The following STEAP4 variants were observed in gnomAD, a reference collection of about 807,000 sequenced individuals.
STEAP4 encodes STEAP4 metalloreductase.
A neutral mutation model predicts 43.6 loss-of-function variants in STEAP4; 36 were observed. The observed-to-expected ratio is 0.83, with a 90% CI of 0.63 to 1.09. The LOEUF is 1.09. Among genes scored for constraint, STEAP4 ranks in the 50% least tolerant of loss-of-function variants. The pLI, the probability that STEAP4 is intolerant of heterozygous loss-of-function variation, is 0.00. For missense variants in STEAP4, 495 were observed against 546.5 expected, an observed-to-expected ratio of 0.91 and a Z score of 0.94; for synonymous variants, 191 against 196.7, an observed-to-expected ratio of 0.97 and a Z score of 0.24.
At chr7:88,280,131 C>T (rs920460794) in intron 4 of STEAP4, among the ~76,000 whole-genome samples, 2 of 152,188 alleles carry the variant, frequency 1.3e-5, no homozygotes, top group Admixed American at 6.5e-5. Context: ...GCCTTAATAC[C>T]TTGAACAAAA....
intron 1 of STEAP4, among the ~76,000 whole-genome samples, chr7:88,286,289 A>G (rs1852733029): frequency 6.6e-6 from 1 of 152,234 alleles, no homozygotes; most frequent in Non-Finnish European, 1.5e-5. Context: ...GAAATCTTAT[A>G]CAATTTTATA....
At chr7:88,299,740 A>G (rs1852997754) in intron 1 of STEAP4, among the ~76,000 whole-genome samples, 1 of 152,262 alleles carries the variant, frequency 6.6e-6, no homozygotes, top group East Asian at 1.9e-4. Flanking sequence ...ATGGGCATTT[A>G]TCTTTAGATT....
Position 88,283,175 on chromosome 7 carries a change from T to C in STEAP4, c.457-7A>G. The C allele has an allele frequency of 6.6e-7, 1 of 1,523,762 alleles. No individual in the cohort carries two copies. Among genetic ancestry groups the C allele is most frequent in the Non-Finnish European group, 8.8e-7 (1 of 1,139,764 alleles). 94.4% of individuals were successfully genotyped at this position (1,523,762 alleles called of 1,614,324 possible). A position where few individuals can be genotyped will look rare whatever the true frequency, so the allele number is the denominator to read the frequency against. On this transcript the variant is annotated splice_polypyrimidine_tract_variant and splice_region_variant and intron_variant, in intron 2 of 4. Transcript: ENST00000380079. ...CATTTCCACACACAAACACCTAGTT[T>C]AAAAACAGTTAATTAATTCTGTATT...
chr7:88,283,988 C>T lies in STEAP4; in HGVS notation c.282G>A (p.Glu94=). 1.2e-6 allele frequency: 2 copies of T among 1,614,054 alleles called. No individual in the cohort carries two copies. The highest frequency in any genetic ancestry group is 1.7e-5 in the Admixed American group (1 of 59,976). Residue 94 remains glutamate, a synonymous_variant, in exon 2 of 5, where the codon GAG becomes GAA. Transcript: ENST00000380079. ...EHYDFLTELT[E]VLNGKILVDI... Reference sequence around the variant, plus strand: ...CTACCAATATTTTTCCATTGAGAACCTCAGTTAATTCTGTGAGAAAATCAT... The same window carrying T: ...CTACCAATATTTTTCCATTGAGAACTTCAGTTAATTCTGTGAGAAAATCAT...
At chr7:88,295,059 CATT>C (rs1053511831) in intron 1 of STEAP4, among the ~76,000 whole-genome samples, 20 of 152,218 alleles carry the variant, frequency 1.3e-4, no homozygotes, top group African/African-American at 4.8e-4. Flanking sequence ...TGGAGGTAAT[CATT>C]ATAAAAACAA....
chr7:88,306,556 G>A (rs150440549), intron 1 of STEAP4, among the ~76,000 whole-genome samples: 1 of 152,332 alleles, frequency 6.6e-6, no homozygotes, highest in African/African-American at 2.4e-5. Flanking sequence ...TCCCCCTTTG[G>A]GCTTGTCTGC....
rs1852460160 is a variant in STEAP4, at chr7:88,273,052, A to G, written c.*6346T>C. 1 of 152,248 alleles carries G rather than the reference A, an allele frequency of 6.6e-6. No individual in the cohort carries two copies. Among genetic ancestry groups the G allele is most frequent in the African/African-American group, 2.4e-5 (1 of 41,464 alleles). 9.4% of individuals were successfully genotyped at this position (152,248 alleles called of 1,614,324 possible). A position where few individuals can be genotyped will look rare whatever the true frequency, so the allele number is the denominator to read the frequency against. On this transcript the variant is annotated 3_prime_UTR_variant, in exon 5 of 5. Transcript: ENST00000380079. ...ACATAGTCATGTTTATGTATGTACA[A>G]TGTATAGTGATCAGATCAGTGTAAT...
chr7:88,291,144 A>G (rs1435110047), intron 1 of STEAP4: 3 of 152,092 alleles, frequency 2.0e-5, no homozygotes, highest in Non-Finnish European at 4.4e-5. Context: ...TTATATAACT[A>G]TGATTATTAT....
intron 1 of STEAP4, among the ~76,000 whole-genome samples, chr7:88,302,701 C>T (rs1035614885): frequency 6.6e-6 from 1 of 151,864 alleles, no homozygotes; most frequent in African/African-American, 2.4e-5. Flanking sequence ...CGCCTGTAAT[C>T]CCAGCACTTC....
chr7:88,273,456 G>GAA lies in STEAP4; in HGVS notation c.*5940_*5941dup, dbSNP rs150598851. The GAA allele has an allele frequency of 1.3e-5, 2 of 151,864 alleles. No homozygotes were observed. The highest frequency in any genetic ancestry group is 4.8e-5 in the African/African-American group (2 of 41,334). The allele number at this position is 151,864 out of a possible 1,614,324, so 9.4% of individuals were successfully genotyped here. Reference sequence around the variant, plus strand: ...CAGCCTTTCATTTTCACAAAACTGAGAAAAAAATCTCATTTTTACAGCTAT... The same window carrying GAA: ...CAGCCTTTCATTTTCACAAAACTGAGAAAAAAAAATCTCATTTTTACAGCTAT... On this transcript the variant is annotated 3_prime_UTR_variant, in exon 5 of 5. Coordinates refer to ENST00000380079, the MANE Select transcript of STEAP4 (RefSeq NM_024636.4).
chr7:88,284,598 G>T (rs1408309890), intron 1 of STEAP4, among the ~76,000 whole-genome samples: 1 of 151,986 alleles, frequency 6.6e-6, no homozygotes, highest in Non-Finnish European at 1.5e-5. Flanking sequence ...CTTGTTTAGT[G>T]ATACCAAAAA....
intron 1 of STEAP4, among the ~76,000 whole-genome samples, chr7:88,284,868 C>T (rs1435102024): frequency 6.6e-6 from 1 of 152,004 alleles, no homozygotes; most frequent in African/African-American, 2.4e-5. Context: ...AAGAGAAATA[C>T]ATAGATATTT....
chr7:88,293,759 C>T (rs1371057025), intron 1 of STEAP4, among the ~76,000 whole-genome samples: 1 of 152,078 alleles, frequency 6.6e-6, no homozygotes, highest in Non-Finnish European at 1.5e-5. Flanking sequence ...AGGTGTGGGT[C>T]TATTTCTGCA....
chr7:88,291,964 TA>T (rs1427687388), intron 1 of STEAP4, among the ~76,000 whole-genome samples: 8 of 152,110 alleles, frequency 5.3e-5, no homozygotes, highest in African/African-American at 1.9e-4. Context: ...CCAAGATGCG[TA>T]AAGTGATCTC....
At position 88,273,889 on chromosome 7, in the gene STEAP4, T is replaced by C. The variant is rs964895232; in HGVS notation, c.*5509A>G. ...TGTTTCTACAACCTTAGAGGACGAATTGAAATCAGCATAGATAAACCTGGA... is the reference window on the plus strand; with the variant it reads ...TGTTTCTACAACCTTAGAGGACGAACTGAAATCAGCATAGATAAACCTGGA... On this transcript the variant is annotated 3_prime_UTR_variant, in exon 5 of 5. Coordinates refer to ENST00000380079, the MANE Select transcript of STEAP4 (RefSeq NM_024636.4). 1 of 152,208 alleles carries C rather than the reference T, an allele frequency of 6.6e-6. No individual in the cohort carries two copies. The highest frequency in any genetic ancestry group is 2.4e-5 in the African/African-American group (1 of 41,446). 9.4% of individuals were successfully genotyped at this position (152,208 alleles called of 1,614,324 possible).
chr7:88,279,819 A>G (rs377459458), intron 4 of STEAP4, among the ~76,000 whole-genome samples, 191 bp from the exon 5 acceptor site: 1 of 152,212 alleles, frequency 6.6e-6, no homozygotes, highest in Admixed American at 6.5e-5. Context: ...TTAAAACAAG[A>G]TTATTTCTTA....
At chr7:88,303,437 A>C in intron 1 of STEAP4, among the ~76,000 whole-genome samples, 1 of 150,892 alleles carries the variant, frequency 6.6e-6, no homozygotes, top group Non-Finnish European at 1.5e-5. Context: ...CAGAGGTTGC[A>C]GTGAGGCAAG....
chr7:88,299,696 T>C (rs1586753897), intron 1 of STEAP4, among the ~76,000 whole-genome samples: 1 of 152,382 alleles, frequency 6.6e-6, no homozygotes, highest in South Asian at 2.1e-4. Context: ...ATTTCAATTT[T>C]GAATTAACTT....
intron 2 of STEAP4, chr7:88,283,592 T>G (rs1324029313): frequency 1.2e-5 from 7 of 591,340 alleles, no homozygotes; most frequent in Non-Finnish European, 2.1e-5. Flanking sequence ...GCTGACACCA[T>G]GGGGTTCCAT....
Sources: gnomAD v4.1 joint callset for allele counts (sites outside exome capture counted in the v4.1 genomes callset) on GRCh38, gnomAD v4.1.1 for gene constraint, MANE v1.5 for transcripts, NCBI Gene and HGNC (gene_info 2026-07-23, HGNC 2026-07-21) for gene names.